Variants in KCNQ3 observed in about 807,000 individuals in gnomAD.
KCNQ3 encodes the protein potassium voltage-gated channel subfamily Q member 3, also known as potassium voltage-gated channel subfamily KQT member 3.
Under a neutral mutation model 92.5 loss-of-function variants are expected in KCNQ3, and 30 were observed. The ratio of observed to expected loss-of-function variants is 0.32; its 90% CI spans 0.24 to 0.44. The LOEUF (loss-of-function observed/expected upper bound fraction) is 0.44. Ranked by LOEUF, KCNQ3 falls within the 20% of genes least tolerant of loss-of-function variation. The pLI is 1.00. For missense variants in KCNQ3, 913 were observed against 1,140.3 expected (o/e 0.80, Z 2.87); for synonymous variants, 450 against 468.8 (o/e 0.96, Z 0.52).
At chr8:132,388,335 T>C (rs1034951993) in intron 1 of KCNQ3, among the ~76,000 whole-genome samples, 5 of 152,188 alleles carry the variant, frequency 3.3e-5, no homozygotes, top group Non-Finnish European at 5.9e-5. Context: ...TGACTCCACT[T>C]CTAGGAATAC....
intron 9 of KCNQ3, among the ~76,000 whole-genome samples, chr8:132,142,916 G>A (rs1232401455): frequency 2.6e-5 from 4 of 152,142 alleles, no homozygotes; most frequent in African/African-American, 9.7e-5. Flanking sequence ...CCAGGTCCTC[G>A]TCTGTCATGG....
intron 1 of KCNQ3, among the ~76,000 whole-genome samples, chr8:132,262,916 C>T (rs758463044): frequency 6.6e-6 from 1 of 152,182 alleles, no homozygotes; most frequent in East Asian, 1.9e-4. Context: ...GATGAATTGA[C>T]TCATCAGTGA....
At chr8:132,457,108 A>G (rs1336918146) in intron 1 of KCNQ3, among the ~76,000 whole-genome samples, 1 of 152,174 alleles carries the variant, frequency 6.6e-6, no homozygotes, top group East Asian at 1.9e-4. Flanking sequence ...GTGGTCCTCA[A>G]ACAAGGGTGC....
chr8:132,206,013 G>A (rs965420528), intron 1 of KCNQ3, among the ~76,000 whole-genome samples: 1 of 152,168 alleles, frequency 6.6e-6, no homozygotes, highest in Non-Finnish European at 1.5e-5. Context: ...ATGGAGAACA[G>A]GTTGCATGGC....
rs1312615274 is a variant in KCNQ3, at chr8:132,480,446, G to A, written c.87C>T (p.Ala29=). ...CGCCGGCCGCCGCCGCGTCCCCTCCGGCTGGGTTAGCCGCCCCGCCGCCTC... is the reference window on the plus strand; with the variant it reads ...CGCCGGCCGCCGCCGCGTCCCCTCCAGCTGGGTTAGCCGCCCCGCCGCCTC... The part of the protein sequence containing the change: ...GGGGGGAANP[A]GGDAAAAGDE... Residue 29 remains alanine, a synonymous_variant, in exon 1 of 15, where the codon GCC becomes GCT. Coordinates refer to ENST00000388996, the MANE Select transcript of KCNQ3 (RefSeq NM_004519.4). 1.4e-6 allele frequency: 2 copies of A among 1,393,684 alleles called. No homozygotes were observed. The highest frequency in any genetic ancestry group is 1.7e-5 in the South Asian group (1 of 59,266). The allele number at this position is 1,393,684 out of a possible 1,614,324, so 86.3% of individuals were successfully genotyped here. A position where few individuals can be genotyped will look rare whatever the true frequency, so the allele number is the denominator to read the frequency against.
chr8:132,232,080 C>T (rs999864979), intron 1 of KCNQ3, among the ~76,000 whole-genome samples: 9 of 152,136 alleles, frequency 5.9e-5, no homozygotes, highest in Non-Finnish European at 1.0e-4. Context: ...ATGGAGACAC[C>T]TGGATTTAAG....
chr8:132,355,951 G>A (rs1646012624), intron 1 of KCNQ3, among the ~76,000 whole-genome samples: 3 of 152,178 alleles, frequency 2.0e-5, no homozygotes, highest in South Asian at 2.1e-4. Flanking sequence ...AAAGGCAAAT[G>A]TCATCTTGAT....
chr8:132,144,276 G>A (rs1213186261), intron 9 of KCNQ3, among the ~76,000 whole-genome samples: 2 of 152,198 alleles, frequency 1.3e-5, no homozygotes, highest in African/African-American at 2.4e-5. Context: ...GCACCTAAGA[G>A]GCTTATGGAA....
intron 1 of KCNQ3, among the ~76,000 whole-genome samples, chr8:132,456,571 A>G (rs1821944363): frequency 6.6e-6 from 1 of 151,824 alleles, no homozygotes; most frequent in South Asian, 2.1e-4. Flanking sequence ...TTCATAATTC[A>G]AAAAGCAATG....
intron 3 of KCNQ3, among the ~76,000 whole-genome samples, chr8:132,182,102 C>G (rs1235630121): frequency 6.6e-6 from 1 of 151,936 alleles, no homozygotes; most frequent in African/African-American, 2.4e-5. Flanking sequence ...GATGCCTTTC[C>G]TACCTTATTA....
intron 1 of KCNQ3, among the ~76,000 whole-genome samples, chr8:132,299,528 C>A (rs141025333): frequency 1.8e-3 from 271 of 152,102 alleles, no homozygotes; most frequent in African/African-American, 6.5e-3. Flanking sequence ...ACATTCATGG[C>A]AAATTCTGAT....
At chr8:132,269,746 C>T (rs1816095431) in intron 1 of KCNQ3, among the ~76,000 whole-genome samples, 1 of 152,152 alleles carries the variant, frequency 6.6e-6, no homozygotes, top group East Asian at 1.9e-4. Flanking sequence ...AGACTGTGGG[C>T]CTCTAAAGAC....
At chr8:132,310,547 T>A (rs1344207518) in intron 1 of KCNQ3, among the ~76,000 whole-genome samples, 8 of 152,212 alleles carry the variant, frequency 5.3e-5, no homozygotes, top group Non-Finnish European at 1.0e-4. Context: ...CTTCCACTTC[T>A]GTGACTGACT....
intron 1 of KCNQ3, among the ~76,000 whole-genome samples, chr8:132,465,291 G>A (rs961085445): frequency 1.3e-5 from 2 of 152,166 alleles, no homozygotes; most frequent in African/African-American, 4.8e-5. Context: ...TTCATTCTTT[G>A]AAAGTATCAC....
At chr8:132,395,297 T>G (rs1236594214) in intron 1 of KCNQ3, among the ~76,000 whole-genome samples, 1 of 152,194 alleles carries the variant, frequency 6.6e-6, no homozygotes, top group Non-Finnish European at 1.5e-5. Flanking sequence ...TCTAGCAATT[T>G]GAAATTACAT....
chr8:132,376,196 CCCA>C (rs1179213421), intron 1 of KCNQ3, among the ~76,000 whole-genome samples: 1 of 152,096 alleles, frequency 6.6e-6, no homozygotes. Flanking sequence ...CTTTTTTCTC[CCCA>C]CATTATTATA....
chr8:132,226,780 A>G (rs1442778990), intron 1 of KCNQ3, among the ~76,000 whole-genome samples: 1 of 152,176 alleles, frequency 6.6e-6, no homozygotes, highest in African/African-American at 2.4e-5. Context: ...AACGAAATCA[A>G]TGAACATGGC....
At chr8:132,191,264 T>C (rs1003014704) in intron 1 of KCNQ3, among the ~76,000 whole-genome samples, 1 of 152,120 alleles carries the variant, frequency 6.6e-6, no homozygotes, top group African/African-American at 2.4e-5. Context: ...CTCCCATCTG[T>C]AGTAGCTGGG....
At chr8:132,284,492 T>TA (rs1281553029) in intron 1 of KCNQ3, among the ~76,000 whole-genome samples, 5 of 151,864 alleles carry the variant, frequency 3.3e-5, no homozygotes, top group African/African-American at 1.2e-4. Flanking sequence ...CTATAGATTT[T>TA]TTTTTTATCT....
Sources: gnomAD v4.1 joint callset for allele counts (sites outside exome capture counted in the v4.1 genomes callset) on GRCh38, gnomAD v4.1.1 for gene constraint, MANE v1.5 for transcripts, NCBI Gene and HGNC (gene_info 2026-07-23, HGNC 2026-07-21) for gene names.